The following GPM6A variants were observed in gnomAD, a reference collection of about 807,000 sequenced individuals.
The protein encoded by GPM6A is neuronal membrane glycoprotein M6-a.
GPM6A carries 7 observed loss-of-function variants against 32.1 expected under a neutral mutation model. That is an observed-to-expected ratio of 0.22 (90% CI 0.12 to 0.41). The LOEUF is 0.41. GPM6A is among the 10% of genes least tolerant of loss of function. The probability of loss-of-function intolerance (pLI) is 1.00; values close to 1 mark genes in which losing one functional copy is unlikely to be tolerated. For synonymous variants in GPM6A, 130 were observed against 123.4 expected, an observed-to-expected ratio of 1.05 and a Z score of -0.35; for missense variants, 235 against 347.2, an observed-to-expected ratio of 0.68 and a Z score of 2.57.
intron 1 of GPM6A, among the ~76,000 whole-genome samples, chr4:175,713,770 C>T (rs1220687551): frequency 6.6e-6 from 1 of 152,100 alleles, no homozygotes; most frequent in Non-Finnish European, 1.5e-5. Context: ...AAATTCGCAG[C>T]GTTCAAAGGC....
chr4:175,695,029 G>A (rs964412407), intron 2 of GPM6A, among the ~76,000 whole-genome samples: 3 of 152,212 alleles, frequency 2.0e-5, no homozygotes, highest in Non-Finnish European at 4.4e-5. Context: ...CAAACCATAA[G>A]CCTTGGCAGC....
intron 1 of GPM6A, among the ~76,000 whole-genome samples, chr4:175,987,520 GTGTT>G (rs1159765042): frequency 3.1e-5 from 3 of 97,136 alleles, no homozygotes; most frequent in African/African-American, 1.1e-4. Flanking sequence ...GTACTAAAGT[GTGTT>G]TGTGTGTGTG....
chr4:175,671,998 G>GA (rs1220803412), intron 3 of GPM6A, among the ~76,000 whole-genome samples: 6 of 144,700 alleles, frequency 4.1e-5, no homozygotes, highest in Non-Finnish European at 7.6e-5. Flanking sequence ...AAAAAAAAAA[G>GA]AAAGAAAGAA....
chr4:175,719,940 T>A (rs1560894884), intron 1 of GPM6A, among the ~76,000 whole-genome samples: 1 of 152,208 alleles, frequency 6.6e-6, no homozygotes, highest in East Asian at 1.9e-4. Context: ...TCTTTTCAAA[T>A]GTTATAGAAG....
chr4:175,829,452 C>T (rs1169727882), intron 1 of GPM6A, among the ~76,000 whole-genome samples: 1 of 119,308 alleles, frequency 8.4e-6, no homozygotes, highest in Non-Finnish European at 1.7e-5. Context: ...TTGTAACCTA[C>T]TTAAGTTAAA....
chr4:175,838,444 C>A (rs1457763206), intron 1 of GPM6A, among the ~76,000 whole-genome samples: 3 of 150,716 alleles, frequency 2.0e-5, no homozygotes, highest in Non-Finnish European at 4.4e-5. Context: ...AGGAAAGCTG[C>A]AACTTTTTTT....
intron 1 of GPM6A, among the ~76,000 whole-genome samples, chr4:175,740,690 TG>T: frequency 6.6e-6 from 1 of 152,230 alleles, no homozygotes; most frequent in Admixed American, 6.5e-5. Context: ...AAAATATTTT[TG>T]TTTCATTTTA....
intron 1 of GPM6A, among the ~76,000 whole-genome samples, chr4:175,721,735 A>G (rs1746146280): frequency 6.6e-6 from 1 of 152,184 alleles, no homozygotes; most frequent in Non-Finnish European, 1.5e-5. Context: ...TGTGGCTTCA[A>G]TAGGTAGATA....
intron 1 of GPM6A, among the ~76,000 whole-genome samples, chr4:175,902,870 C>G (rs1008039895): frequency 6.6e-6 from 1 of 152,034 alleles, no homozygotes; most frequent in Non-Finnish European, 1.5e-5. Context: ...TCAGCTATTA[C>G]CCCAGATGAA....
chr4:175,694,929 G>A (rs1358558241), intron 2 of GPM6A, among the ~76,000 whole-genome samples: 1 of 152,134 alleles, frequency 6.6e-6, no homozygotes, highest in East Asian at 1.9e-4. Context: ...ACAGCCTCAG[G>A]ACACTGCTTC....
At chr4:175,748,261 C>T (rs545297574) in intron 1 of GPM6A, among the ~76,000 whole-genome samples, 4 of 152,198 alleles carry the variant, frequency 2.6e-5, no homozygotes, top group South Asian at 2.1e-4. Context: ...CCTAGATTGG[C>T]GAATACTCTC....
chr4:175,901,581 T>A (rs993238403), intron 1 of GPM6A, among the ~76,000 whole-genome samples: 5 of 151,638 alleles, frequency 3.3e-5, no homozygotes, highest in Non-Finnish European at 7.4e-5. Context: ...GAGTGTAAAT[T>A]TATAACTATT....
intron 3 of GPM6A, among the ~76,000 whole-genome samples, chr4:175,660,180 A>T (rs1375211253): frequency 6.6e-6 from 1 of 152,116 alleles, no homozygotes. Flanking sequence ...CAGGTGGATC[A>T]CGAGGTCAGG....
chr4:175,784,481 A>G (rs1176612812), intron 1 of GPM6A, among the ~76,000 whole-genome samples: 1 of 152,146 alleles, frequency 6.6e-6, no homozygotes, highest in Non-Finnish European at 1.5e-5. Flanking sequence ...TTAATGTATG[A>G]TGGTTATGTA....
upstream of GPM6A, chr4:175,812,796 C>CT (rs1205272638): frequency 2.7e-5 from 27 of 985,290 alleles, no homozygotes; most frequent in Non-Finnish European, 3.3e-5. Flanking sequence ...GCAGCAGTGG[C>CT]TTCTCACCCA....
At chr4:175,760,619 C>A (rs1732702238) in intron 1 of GPM6A, among the ~76,000 whole-genome samples, 1 of 151,930 alleles carries the variant, frequency 6.6e-6, no homozygotes, top group Non-Finnish European at 1.5e-5. Context: ...TTATAAATTA[C>A]ATGAAAATCA....
At chr4:175,937,367 G>A (rs980965579) in intron 1 of GPM6A, among the ~76,000 whole-genome samples, 10 of 152,034 alleles carry the variant, frequency 6.6e-5, no homozygotes, top group Non-Finnish European at 1.2e-4. Context: ...GCACTTTAAC[G>A]CATTTAAGAT....
intron 1 of GPM6A, among the ~76,000 whole-genome samples, chr4:175,922,522 G>C (rs1738701758): frequency 6.6e-6 from 1 of 152,100 alleles, no homozygotes; most frequent in Admixed American, 6.6e-5. Context: ...GTTCCCAAAG[G>C]CTTCCAGACT....
intron 1 of GPM6A, among the ~76,000 whole-genome samples, chr4:175,835,807 A>G (rs1242234231): frequency 6.8e-6 from 1 of 148,080 alleles, no homozygotes; most frequent in African/African-American, 2.5e-5. Flanking sequence ...TACTTTATAA[A>G]CCTGTTATAT....
Sources: allele counts gnomAD v4.1 joint callset (sites outside exome capture counted in the v4.1 genomes callset), GRCh38; gene constraint gnomAD v4.1.1; transcripts MANE v1.5; gene names NCBI Gene and HGNC (gene_info 2026-07-23, HGNC 2026-07-21).